The following PRKG1 variants were observed in gnomAD, a reference collection of about 807,000 sequenced individuals.
PRKG1 encodes the protein cGMP-dependent protein kinase 1.
In PRKG1, 35 loss-of-function variants were observed where a neutral mutation model predicts 88.1. The observed-to-expected ratio is 0.40, with a 90% confidence interval of 0.30 to 0.53. The LOEUF (loss-of-function observed/expected upper bound fraction) is 0.53. Among genes scored for constraint, PRKG1 ranks in the 20% least tolerant of loss-of-function variants. The pLI is 0.59. For synonymous variants in PRKG1, 303 were observed against 292.5 expected (o/e 1.04, Z -0.37); for missense variants, 540 against 839.8 (o/e 0.64, Z 4.41).
intron 2 of PRKG1, among the ~76,000 whole-genome samples, chr10:51,291,147 A>C (rs912974464): frequency 6.6e-6 from 1 of 152,178 alleles, no homozygotes; most frequent in East Asian, 1.9e-4. Flanking sequence ...CAAAAACTGA[A>C]GCATTGTTAT....
In PRKG1 at chr10:51,733,822, C is replaced by T. The variant is rs957155996; in HGVS notation, c.593-70763C>T. ...AATGAATATTTTGAGTACCTTGGGA[C>T]CCTCAGTAGTTATATATTATTTTTC... On this transcript the variant is annotated intron_variant, in intron 3 of 17. Coordinates refer to ENST00000373980, the MANE Select transcript of PRKG1 (RefSeq NM_006258.4). Among the ~76,000 whole-genome samples the T allele has an allele frequency of 2.6e-5, 4 of 151,956 alleles. No individual in the cohort carries two copies. In the East Asian group the frequency reaches 7.7e-4, roughly 29 times the overall value.
intron 1 of PRKG1, among the ~76,000 whole-genome samples, chr10:51,007,867 G>A (rs1352699397): frequency 2.0e-5 from 3 of 152,194 alleles, no homozygotes; most frequent in Non-Finnish European, 4.4e-5. Flanking sequence ...CTTTGTGCAA[G>A]GTACTTTATT....
chr10:51,212,888 A>G (rs1243297555), intron 2 of PRKG1, among the ~76,000 whole-genome samples: 2 of 152,212 alleles, frequency 1.3e-5, no homozygotes, highest in Admixed American at 6.5e-5. Context: ...TAGTTCAACC[A>G]TTGTGGAAGT....
rs1564733433 is a variant in PRKG1, at chr10:51,970,043, CACACACA to C, written c.762+62474_762+62480del. Among the ~76,000 whole-genome samples the C allele has an allele frequency of 4.8e-3, 414 of 85,542 alleles. 1 individual carries two copies. The highest frequency in any genetic ancestry group is 0.014 in the African/African-American group (396 of 29,060). The allele number at this position is 85,542 out of a possible 152,430, so 56.1% of individuals were successfully genotyped here. A position where few individuals can be genotyped will look rare whatever the true frequency, so the allele number is the denominator to read the frequency against. The stretch of plus-strand genomic sequence containing the variant: ...ACACACACACACACACACACACACA[CACACACA>C]CCCATATTTATTTATATATTTTTCT... On this transcript the variant is annotated intron_variant, in intron 5 of 17. Coordinates refer to ENST00000373980, the MANE Select transcript of PRKG1 (RefSeq NM_006258.4).
intron 4 of PRKG1, among the ~76,000 whole-genome samples, chr10:51,841,206 C>A (rs1311695761): frequency 6.6e-6 from 1 of 152,240 alleles, no homozygotes; most frequent in East Asian, 1.9e-4. Context: ...CTCTCTCTCA[C>A]TTAAGAGTGA....
At chr10:50,997,854 G>C (rs914044736) in intron 1 of PRKG1, among the ~76,000 whole-genome samples, 4 of 152,216 alleles carry the variant, frequency 2.6e-5, no homozygotes, top group East Asian at 1.9e-4. Flanking sequence ...TAAGGGAAAA[G>C]AAAAATATGT....
At chr10:51,974,754 A>G (rs1427297993) in intron 5 of PRKG1, among the ~76,000 whole-genome samples, 1 of 152,060 alleles carries the variant, frequency 6.6e-6, no homozygotes, top group East Asian at 1.9e-4. Context: ...CTGAACCCCA[A>G]AGGAATTGGC....
At chr10:51,030,368 C>T (rs1843267790) in intron 1 of PRKG1, among the ~76,000 whole-genome samples, 2 of 152,002 alleles carry the variant, frequency 1.3e-5, no homozygotes, top group South Asian at 4.2e-4. Flanking sequence ...TAAGGGATCA[C>T]ATAAATTATA....
intron 9 of PRKG1, among the ~76,000 whole-genome samples, chr10:52,246,907 C>T (rs1393267421): frequency 6.7e-6 from 1 of 149,714 alleles, no homozygotes; most frequent in Non-Finnish European, 1.5e-5. Context: ...AAAGAGTCGC[C>T]TATAAGGATT....
intron 2 of PRKG1, among the ~76,000 whole-genome samples, chr10:51,397,586 G>T (rs910222458): frequency 1.3e-5 from 2 of 152,102 alleles, no homozygotes; most frequent in Admixed American, 1.3e-4. Context: ...GGTTTTTTCT[G>T]ACCTCCTTTG....
At chr10:51,162,624 C>G (rs979991588) in intron 2 of PRKG1, among the ~76,000 whole-genome samples, 1 of 152,104 alleles carries the variant, frequency 6.6e-6, no homozygotes, top group African/African-American at 2.4e-5. Context: ...CTAATTCATC[C>G]AACTTTACTG....
chr10:51,671,130 C>T lies in PRKG1; in HGVS notation c.593-133455C>T, dbSNP rs553383790. On this transcript the variant is annotated intron_variant, in intron 3 of 17. Coordinates refer to ENST00000373980, the MANE Select transcript of PRKG1 (RefSeq NM_006258.4). ...GAGAATCTGATCATGCTAAATTCTG[C>T]TTTATGATCTTCTTAAGTAAGATCT... 5.2e-4 allele frequency among the ~76,000 whole-genome samples: 79 copies of T among 152,214 alleles called. 1 individual carries two copies. Among genetic ancestry groups the T allele is most frequent in the African/African-American group, 1.8e-3 (76 of 41,534 alleles).
At chr10:51,849,840 G>A (rs1287398989) in intron 4 of PRKG1, among the ~76,000 whole-genome samples, 1 of 152,092 alleles carries the variant, frequency 6.6e-6, no homozygotes, top group Non-Finnish European at 1.5e-5. Flanking sequence ...ACTCAGGTTT[G>A]ATGGGGCCTT....
chr10:52,036,536 T>A (rs1845614849), intron 5 of PRKG1, among the ~76,000 whole-genome samples: 1 of 151,834 alleles, frequency 6.6e-6, no homozygotes, highest in Non-Finnish European at 1.5e-5. Flanking sequence ...GTAAGGGTGA[T>A]TAGGTTTTAA....
intron 3 of PRKG1, among the ~76,000 whole-genome samples, chr10:51,634,726 T>C (rs1188034948): frequency 6.6e-6 from 1 of 152,070 alleles, no homozygotes; most frequent in Non-Finnish European, 1.5e-5. Context: ...TCAGAATACC[T>C]GGTAATTTCA....
chr10:51,892,000 A>G (rs567483315), intron 4 of PRKG1, among the ~76,000 whole-genome samples: 2 of 152,334 alleles, frequency 1.3e-5, no homozygotes, highest in South Asian at 4.1e-4. Context: ...GCTGAATTTT[A>G]TCTTAAAAAT....
intron 2 of PRKG1, among the ~76,000 whole-genome samples, chr10:51,292,671 G>A (rs1159209048): frequency 1.3e-5 from 2 of 151,976 alleles, no homozygotes; most frequent in African/African-American, 4.8e-5. Flanking sequence ...CTATAGATTT[G>A]CAAACACATA....
chr10:52,086,966 C>T (rs555141491), intron 7 of PRKG1, among the ~76,000 whole-genome samples: 1 of 152,210 alleles, frequency 6.6e-6, no homozygotes, highest in African/African-American at 2.4e-5. Context: ...CTTATGAAAC[C>T]ATCAGATCTT....
At chr10:51,087,072 A>G (rs1844271507) in intron 1 of PRKG1, among the ~76,000 whole-genome samples, 1 of 152,164 alleles carries the variant, frequency 6.6e-6, no homozygotes, top group Non-Finnish European at 1.5e-5. Context: ...GACTCCTGTT[A>G]ATAGATTTCA....
Sources: allele counts gnomAD v4.1 joint callset (sites outside exome capture counted in the v4.1 genomes callset), GRCh38; gene constraint gnomAD v4.1.1; transcripts MANE v1.5; gene names NCBI Gene and HGNC (gene_info 2026-07-23, HGNC 2026-07-21).